Variants in GNRHR observed in about 807,000 individuals in gnomAD.
GNRHR encodes gonadotropin-releasing hormone receptor.
Under a neutral mutation model 28.1 loss-of-function variants are expected in GNRHR, and 14 were observed. The observed-to-expected ratio is 0.50, with a 90% CI of 0.33 to 0.78. GNRHR has a LOEUF of 0.78. Ranked by LOEUF, GNRHR falls within the 30% of genes least tolerant of loss-of-function variation. GNRHR has a pLI of 0.02. For missense variants in GNRHR, 366 were observed against 382.1 expected, an observed-to-expected ratio of 0.96 and a Z score of 0.35; for synonymous variants, 141 against 140.5, an observed-to-expected ratio of 1.00 and a Z score of -0.02.
In GNRHR at chr4:67,748,085, GGT is replaced by G. The variant is rs1731793812; in HGVS notation, c.523-3300_523-3299del. 6.6e-5 allele frequency among the ~76,000 whole-genome samples: 10 copies of G among 151,918 alleles called. No individual in the cohort carries two copies. The South Asian group carries it at 2.1e-3, about 32-fold the overall frequency. On this transcript the variant is annotated intron_variant, in intron 1 of 2. Transcript: ENST00000226413. ...TTTCTCCTCTCTTGCCCCTGGCCCT[GGT>G]TCTTATCAGTGTTTGCTTTATTTTG... is the stretch of plus-strand genomic sequence containing the variant.
chr4:67,750,855 G>T (rs1040042650), intron 1 of GNRHR, among the ~76,000 whole-genome samples: 1 of 152,098 alleles, frequency 6.6e-6, no homozygotes, highest in Non-Finnish European at 1.5e-5. Flanking sequence ...TGACCACAGA[G>T]CATGGTGAAG....
Position 67,754,124 on chromosome 4 carries a change from T to C in GNRHR, c.212A>G (p.Lys71Arg). 6.2e-7 allele frequency: 1 copy of C among 1,614,184 alleles called. No homozygotes were observed. Among genetic ancestry groups the C allele is most frequent in the Non-Finnish European group, 8.5e-7 (1 of 1,180,002 alleles). ...QKWTQKKEKG[K>R]KLSRMKLLLK... ...GAGCAGCTTCATTCTTGAGAGCTTT[T>C]TCCCTTTCTCTTTCTTCTGTGTCCA... The change falls in exon 1 of 3, where the codon AAA becomes AGA. Residue 71 changes from lysine (K) to arginine (R), a missense_variant. Coordinates refer to ENST00000226413, the MANE Select transcript of GNRHR (RefSeq NM_000406.3).
Position 67,754,336 on chromosome 4 carries a change from A to G in GNRHR, c.-1T>C, listed in dbSNP as rs1448147618. The G allele has an allele frequency of 1.6e-5, 25 of 1,608,414 alleles. No individual in the cohort carries two copies. Among genetic ancestry groups the G allele is most frequent in the African/African-American group, 2.7e-5 (2 of 74,876 alleles). On this transcript the variant is annotated 5_prime_UTR_variant, in exon 1 of 3. Transcript: ENST00000226413. ...GTTCAGGAGAGGCACTGTTTGCCAT[A>G]TTTTCCCAGGACAGAGCTTCAAGCC...
chr4:67,741,040 C>T (rs1194619940), intron 2 of GNRHR, among the ~76,000 whole-genome samples: 1 of 151,702 alleles, frequency 6.6e-6, no homozygotes, highest in African/African-American at 2.4e-5. Flanking sequence ...TGAATTCTTT[C>T]TTAAAAAAAT....
rs772129329 is a variant in GNRHR, at chr4:67,740,454, A to T, written c.*26T>A. On this transcript the variant is annotated 3_prime_UTR_variant, in exon 3 of 3. Coordinates refer to ENST00000226413, the MANE Select transcript of GNRHR (RefSeq NM_000406.3). The stretch of plus-strand genomic sequence containing the variant: ...GAGATTCATTACCTTACCCTTCTTC[A>T]TATGACTTCTTGTGTAGTCTATCAA... 13 of 1,541,756 alleles carry T rather than the reference A, an allele frequency of 8.4e-6. No homozygotes were observed. Among genetic ancestry groups the T allele is most frequent in the Non-Finnish European group, 9.9e-6 (11 of 1,114,672 alleles).
chr4:67,744,991 T>C (rs1350976337), intron 1 of GNRHR, among the ~76,000 whole-genome samples: 4 of 152,160 alleles, frequency 2.6e-5, no homozygotes, highest in Admixed American at 2.6e-4. Context: ...CTGTAAGATT[T>C]TGGATTTTTT....
chr4:67,742,079 G>C (rs1731671043), intron 2 of GNRHR, among the ~76,000 whole-genome samples: 1 of 146,324 alleles, frequency 6.8e-6, no homozygotes, highest in Non-Finnish European at 1.5e-5. Flanking sequence ...ATTTATCTTT[G>C]TTTTTGTTGC....
rs1220428565 is a variant in GNRHR, at chr4:67,753,777, T to C, written c.522+37A>G. 2.0e-6 allele frequency: 3 copies of C among 1,534,228 alleles called. No individual in the cohort carries two copies. In the South Asian group the frequency reaches 3.4e-5, roughly 17 times the overall value. ...TCAAATTTAGATAGGAAATCTATGATCACCATATCCAAATAAGTTTGTGTA... is the reference window on the plus strand; with the variant it reads ...TCAAATTTAGATAGGAAATCTATGACCACCATATCCAAATAAGTTTGTGTA... On this transcript the variant is annotated intron_variant, in intron 1 of 2. Transcript: ENST00000226413.
chr4:67,744,808 C>T (rs902340290), intron 1 of GNRHR, 21 bp from the exon 2 acceptor site: 1 of 1,343,866 alleles, frequency 7.4e-7, no homozygotes, highest in Admixed American at 1.7e-5. Context: ...CAATAAAAAG[C>T]TATGTTACTT....
intron 1 of GNRHR, among the ~76,000 whole-genome samples, chr4:67,746,632 T>C (rs1455601747): frequency 2.6e-5 from 4 of 152,164 alleles, no homozygotes; most frequent in Admixed American, 1.3e-4. Flanking sequence ...GATTCCATTT[T>C]TTTAAAGTTT....
chr4:67,753,183 A>C (rs1731902279), intron 1 of GNRHR, among the ~76,000 whole-genome samples: 1 of 152,148 alleles, frequency 6.6e-6, no homozygotes, highest in African/African-American at 2.4e-5. Context: ...AGCAAAACTC[A>C]AGCTAACTTT....
rs1417477653 is a variant in GNRHR, at chr4:67,753,919, G to A, written c.417C>T (p.Arg139=). 2 of 1,613,364 alleles carry A rather than the reference G, an allele frequency of 1.2e-6. No homozygotes were observed. The highest frequency in any genetic ancestry group is 1.1e-5 in the South Asian group (1 of 91,078). The change falls in exon 1 of 3, where the codon CGC becomes CGT. Residue 139 remains arginine, a synonymous_variant. Transcript: ENST00000226413. ...AFMMVVISLD[R]SLAITRPLAL... ...CTAGGGGCCTCGTGATAGCCAGGGA[G>A]CGGTCCAGGCTGATCACCACCATCA... is the stretch of plus-strand genomic sequence containing the variant.
chr4:67,745,906 A>G (rs2109983968), intron 1 of GNRHR, among the ~76,000 whole-genome samples: 1 of 152,204 alleles, frequency 6.6e-6, no homozygotes, highest in East Asian at 1.9e-4. Flanking sequence ...GCACTCTCCA[A>G]AAATGTCAAT....
intron 1 of GNRHR, among the ~76,000 whole-genome samples, chr4:67,750,446 T>G (rs558259283): frequency 6.6e-6 from 1 of 152,302 alleles, no homozygotes; most frequent in East Asian, 1.9e-4. Context: ...TTGTACATAT[T>G]TATGGGGTAC....
intron 2 of GNRHR, among the ~76,000 whole-genome samples, chr4:67,741,042 TA>T (rs528459608): frequency 9.2e-5 from 14 of 152,078 alleles, no homozygotes; most frequent in Non-Finnish European, 1.6e-4. Flanking sequence ...AATTCTTTCT[TA>T]AAAAAATTAT....
Position 67,738,865 on chromosome 4 carries a change from G to T in GNRHR, c.*1615C>A, listed in dbSNP as rs895131473. 4.0e-5 allele frequency among the ~76,000 whole-genome samples: 6 copies of T among 151,780 alleles called. No homozygotes were observed. The highest frequency in any genetic ancestry group is 8.8e-5 in the Non-Finnish European group (6 of 67,836). On this transcript the variant is annotated 3_prime_UTR_variant, in exon 3 of 3. Transcript: ENST00000226413. Reference sequence around the variant, plus strand: ...GAATGAAAGAGTGAGTAGACAGAGGGAGTTCAATTGAGACAGAATTGGAAA... The same window carrying T: ...GAATGAAAGAGTGAGTAGACAGAGGTAGTTCAATTGAGACAGAATTGGAAA...
At chr4:67,751,142 T>A (rs1369296672) in intron 1 of GNRHR, among the ~76,000 whole-genome samples, 1 of 152,200 alleles carries the variant, frequency 6.6e-6, no homozygotes, top group African/African-American at 2.4e-5. Context: ...AAATAAAATG[T>A]AACAGAATAG....
Position 67,744,790 on chromosome 4 carries a change from G to T in GNRHR, c.523-3C>A. 1 of 1,485,734 alleles carries T rather than the reference G, an allele frequency of 6.7e-7. No individual in the cohort carries two copies. Among genetic ancestry groups the T allele is most frequent in the Non-Finnish European group, 9.4e-7 (1 of 1,063,058 alleles). The allele number at this position is 1,485,734 out of a possible 1,614,324, so 92.0% of individuals were successfully genotyped here. A position where few individuals can be genotyped will look rare whatever the true frequency, so the allele number is the denominator to read the frequency against. ...TGAATCATCCTGAAGATGTATAACT[G>T]TATGAGACAATAAAAAGCTATGTTA... On this transcript the variant is annotated splice_polypyrimidine_tract_variant and splice_region_variant and intron_variant, in intron 1 of 2. Coordinates refer to ENST00000226413, the MANE Select transcript of GNRHR (RefSeq NM_000406.3).
chr4:67,751,112 G>A (rs1188105064), intron 1 of GNRHR, among the ~76,000 whole-genome samples: 1 of 152,154 alleles, frequency 6.6e-6, no homozygotes, highest in African/African-American at 2.4e-5. Context: ...GCTCAGCAAT[G>A]AGTTGTAATC....
Sources: allele counts gnomAD v4.1 joint callset (sites outside exome capture counted in the v4.1 genomes callset), GRCh38; gene constraint gnomAD v4.1.1; transcripts MANE v1.5; gene names NCBI Gene and HGNC (gene_info 2026-07-23, HGNC 2026-07-21).